PPP6C: variants seen among roughly 807,000 people sequenced by gnomAD.
PPP6C encodes protein phosphatase 6 catalytic subunit.
In PPP6C, 11 loss-of-function variants were observed where a neutral mutation model predicts 39.8. The ratio of observed to expected loss-of-function variants is 0.28; its 90% CI spans 0.17 to 0.46. The LOEUF (loss-of-function observed/expected upper bound fraction) is 0.46, where lower values mean the gene tolerates loss of function less well. PPP6C is among the 20% of genes least tolerant of loss of function. The probability of loss-of-function intolerance (pLI) is 1.00; values close to 1 mark genes in which losing one functional copy is unlikely to be tolerated. For synonymous variants in PPP6C, 129 were observed against 130.3 expected, an observed-to-expected ratio of 0.99 and a Z score of 0.07; for missense variants, 211 against 373.9, an observed-to-expected ratio of 0.56 and a Z score of 3.59.
At chr9:125,160,207 G>C (rs1284720125) in intron 3 of PPP6C, among the ~76,000 whole-genome samples, 2 of 152,182 alleles carry the variant, frequency 1.3e-5, no homozygotes, top group Non-Finnish European at 2.9e-5. Flanking sequence ...CGAAAAGTCT[G>C]AATAAATAAT....
At chr9:125,153,507 T>A in intron 6 of PPP6C, 26 bp downstream of exon 6, 8 of 1,605,258 alleles carry the variant, frequency 5.0e-6, no homozygotes, top group Non-Finnish European at 6.0e-6. Context: ...ATCCACAAAT[T>A]ACATTTCCAA....
intron 6 of PPP6C, chr9:125,151,348 A>T: frequency 7.5e-7 from 1 of 1,334,358 alleles, no homozygotes; most frequent in South Asian, 1.2e-5. Flanking sequence ...AACTTCTCTC[A>T]GCTGGAGTCA....
intron 1 of PPP6C, among the ~76,000 whole-genome samples, chr9:125,188,554 A>AGCGGGCGGATCACTT (rs1829582694): frequency 2.0e-5 from 3 of 151,444 alleles, no homozygotes; most frequent in African/African-American, 7.3e-5. Context: ...GGTAGGCCGA[A>AGCGGGCGGATCACTT]GCGGGCGGAT....
intron 1 of PPP6C, among the ~76,000 whole-genome samples, chr9:125,177,476 C>T (rs577460378): frequency 6.6e-6 from 1 of 152,188 alleles, no homozygotes; most frequent in African/African-American, 2.4e-5. Flanking sequence ...ACAGGAGGAT[C>T]CCTTGAGCCC....
rs544051376 is a variant in PPP6C, at chr9:125,160,018, C to CA, written c.237+822dup. Among the ~76,000 whole-genome samples the CA allele has an allele frequency of 5.8e-3, 700 of 121,626 alleles. 3 individuals are homozygous for CA. Among genetic ancestry groups the CA allele is most frequent in the Non-Finnish European group, 7.7e-3 (439 of 57,232 alleles). The allele number at this position is 121,626 out of a possible 152,430, so 79.8% of individuals were successfully genotyped here. Reference sequence around the variant, plus strand: ...CTGGCAACAGAGAGAGACTCCGTCTCAAAAAAAAAAAATAAGAAAGTGACC... The same window carrying CA: ...CTGGCAACAGAGAGAGACTCCGTCTCAAAAAAAAAAAAATAAGAAAGTGACC... On this transcript the variant is annotated intron_variant, in intron 3 of 6. Transcript: ENST00000373547.
At chr9:125,177,382 AAAC>A (rs202190857) in intron 1 of PPP6C, among the ~76,000 whole-genome samples, 3,025 of 151,138 alleles carry the variant, frequency 0.02, 105 homozygotes, top group African/African-American at 0.069. Flanking sequence ...CAAAACAAAC[AAAC>A]AAAAAAAATC....
chr9:125,186,938 C>CTTTTTTTTT (rs1168730026), intron 1 of PPP6C, among the ~76,000 whole-genome samples: 15 of 83,670 alleles, frequency 1.8e-4, no homozygotes, highest in African/African-American at 4.5e-4. Context: ...ATTTTTCTTT[C>CTTTTTTTTT]TTTTTTTTTT....
intron 2 of PPP6C, among the ~76,000 whole-genome samples, chr9:125,170,257 G>A (rs12350751): frequency 6.8e-6 from 1 of 146,136 alleles, no homozygotes; most frequent in African/African-American, 2.5e-5. Context: ...TTTTTTTTTA[G>A]ACAGAGTCTT....
chr9:125,169,245 T>C (rs1208330015), intron 2 of PPP6C, among the ~76,000 whole-genome samples: 2 of 152,212 alleles, frequency 1.3e-5, no homozygotes, highest in African/African-American at 4.8e-5. Context: ...TACAAAATAA[T>C]CCTATCTCAC....
chr9:125,171,463 AC>A (rs1829148681), intron 1 of PPP6C, among the ~76,000 whole-genome samples: 4 of 20,216 alleles, frequency 2.0e-4, no homozygotes, highest in Non-Finnish European at 3.4e-4. Context: ...ACACATATAC[AC>A]ACACACACAC....
intron 2 of PPP6C, among the ~76,000 whole-genome samples, chr9:125,164,218 CTTTTT>C (rs10684647): frequency 2.7e-5 from 2 of 74,750 alleles, no homozygotes; most frequent in East Asian, 5.1e-4. Context: ...CCCTCACTCT[CTTTTT>C]TTTTTTTTTT....
At chr9:125,180,070 C>T (rs1829390410) in intron 1 of PPP6C, among the ~76,000 whole-genome samples, 1 of 152,134 alleles carries the variant, frequency 6.6e-6, no homozygotes, top group African/African-American at 2.4e-5. Context: ...CAACCATCAC[C>T]ATAATCAATT....
chr9:125,158,172 TTG>T, intron 4 of PPP6C, 67 bp downstream of exon 4: 3 of 1,450,800 alleles, frequency 2.1e-6, no homozygotes, highest in Non-Finnish European at 2.9e-6. Context: ...TGTGTATGAC[TTG>T]TGTAGCTTTG....
chr9:125,159,791 A>T (rs1342525482), intron 3 of PPP6C, among the ~76,000 whole-genome samples: 1 of 152,194 alleles, frequency 6.6e-6, no homozygotes, highest in African/African-American at 2.4e-5. Context: ...GCAGGGGCCG[A>T]GGTGGGCGGA....
intron 1 of PPP6C, among the ~76,000 whole-genome samples, chr9:125,184,291 G>A (rs1471927810): frequency 6.6e-6 from 1 of 152,076 alleles, no homozygotes; most frequent in Non-Finnish European, 1.5e-5. Context: ...GGGAGGCTGA[G>A]GCAGGAGAAT....
At chr9:125,168,062 T>G (rs1168727097) in intron 2 of PPP6C, among the ~76,000 whole-genome samples, 7 of 152,216 alleles carry the variant, frequency 4.6e-5, no homozygotes, top group Admixed American at 4.6e-4. Context: ...AATCAGTATA[T>G]TCTAGTGTCA....
At chr9:125,160,183 T>G (rs1828827032) in intron 3 of PPP6C, among the ~76,000 whole-genome samples, 1 of 152,130 alleles carries the variant, frequency 6.6e-6, no homozygotes. Context: ...TAACGAGAGA[T>G]AAAAATGAAT....
At chr9:125,189,034 T>A in intron 1 of PPP6C, 1 of 1,015,034 alleles carries the variant, frequency 9.9e-7, no homozygotes, top group Non-Finnish European at 1.5e-6. Context: ...AACAACATAC[T>A]CAGAAACGGG....
At chr9:125,160,327 T>C (rs1330108058) in intron 3 of PPP6C, among the ~76,000 whole-genome samples, 3 of 152,132 alleles carry the variant, frequency 2.0e-5, no homozygotes, top group Non-Finnish European at 4.4e-5. Flanking sequence ...ACTAAGGCAA[T>C]TAATTAGAGG....
Sources: gnomAD v4.1 joint callset for allele counts (sites outside exome capture counted in the v4.1 genomes callset) on GRCh38, gnomAD v4.1.1 for gene constraint, MANE v1.5 for transcripts, NCBI Gene and HGNC (gene_info 2026-07-23, HGNC 2026-07-21) for gene names.